The following KIFC1 variants were observed in gnomAD, a reference collection of about 807,000 sequenced individuals.
The protein encoded by KIFC1 is kinesin-like protein KIFC1.
In KIFC1, 37 loss-of-function variants were observed where a neutral mutation model predicts 66.6. That is an observed-to-expected ratio of 0.56 (90% CI 0.43 to 0.73). KIFC1 has a LOEUF of 0.73. Ranked by LOEUF, KIFC1 falls within the 30% of genes least tolerant of loss-of-function variation. The pLI is 0.00. For synonymous variants in KIFC1, 325 were observed against 343.5 expected (o/e 0.95, Z 0.60); for missense variants, 721 against 859.8 (o/e 0.84, Z 2.02).
chr6:33,398,037 C>G lies in KIFC1; in HGVS notation c.21C>G (p.Pro7=), dbSNP rs1358338474. MDPQRS[P]LLEVKGNIEL... ...GTCTCTTTTCCCAACAGAGGTCCCC[C>G]CTATTGGAAGTAAAGGGGAACATAG... The change falls in exon 2 of 11, where the codon CCC becomes CCG. Residue 7 remains proline (P), a synonymous_variant. Coordinates refer to ENST00000428849, the MANE Select transcript of KIFC1 (RefSeq NM_002263.4). The G allele has an allele frequency of 6.2e-7, 1 of 1,613,874 alleles. No individual in the cohort carries two copies. The highest frequency in any genetic ancestry group is 8.5e-7 in the Non-Finnish European group (1 of 1,180,022).
chr6:33,391,928 C>T lies in KIFC1; in HGVS notation c.-58C>T, dbSNP rs1774801775. On this transcript the variant is annotated 5_prime_UTR_variant, in exon 1 of 11. Coordinates refer to ENST00000428849, the MANE Select transcript of KIFC1 (RefSeq NM_002263.4). ...GCGAGAGAACGCGAGTCCCAGGATC[C>T]CCGGCACCCAGTTCTCTTCCACTGC... 3 of 1,610,050 alleles carry T rather than the reference C, an allele frequency of 1.9e-6. No individual in the cohort carries two copies. Among genetic ancestry groups the T allele is most frequent in the African/African-American group, 1.3e-5 (1 of 74,888 alleles).
chr6:33,406,553 G>T lies in KIFC1; in HGVS notation c.1828-39G>T. 6.2e-7 allele frequency: 1 copy of T among 1,613,554 alleles called. No homozygotes were observed. Among genetic ancestry groups the T allele is most frequent in the Non-Finnish European group, 8.5e-7 (1 of 1,179,584 alleles). On this transcript the variant is annotated intron_variant, in intron 8 of 10. Transcript: ENST00000428849. The surrounding 1 kb of genome is among the most constrained non-coding windows in gnomAD (Gnocchi z 4.5). ...GTTGGGGTTGGCTGTGCAGAACCCTGCCTATTCCTAAACATCTGTCCCCAC... is the reference window on the plus strand; with the variant it reads ...GTTGGGGTTGGCTGTGCAGAACCCTTCCTATTCCTAAACATCTGTCCCCAC...
chr6:33,396,801 C>G (rs1775066022), intron 1 of KIFC1, among the ~76,000 whole-genome samples: 1 of 151,616 alleles, frequency 6.6e-6, no homozygotes, highest in Non-Finnish European at 1.5e-5. Flanking sequence ...CCTGCCTCAG[C>G]CTCCCCAGGA....
At position 33,409,754 on chromosome 6, in the gene KIFC1, T is replaced by TGTGTGTGTGTGTCA. The variant is rs1374618874; in HGVS notation, c.*64_*65insGTGTGTGTGTGTCA. 1 of 1,341,686 alleles carries TGTGTGTGTGTGTCA rather than the reference T, an allele frequency of 7.5e-7. No homozygotes were observed. The allele number at this position is 1,341,686 out of a possible 1,614,324, so 83.1% of individuals were successfully genotyped here. On this transcript the variant is annotated 3_prime_UTR_variant, in exon 11 of 11. Transcript: ENST00000428849. The stretch of plus-strand genomic sequence containing the variant: ...GTGTGTGTGTGTGTGTGTGTGTGTG[T>TGTGTGTGTGTGTCA]CCCTATGTCTATGTATCGGGTGAGG...
chr6:33,406,583 A>G lies in KIFC1; in HGVS notation c.1828-9A>G. On this transcript the variant is annotated splice_polypyrimidine_tract_variant and intron_variant, in intron 8 of 10. Transcript: ENST00000428849. This position sits in a 1 kb window ranked among gnomAD's most constrained non-coding sequence, Gnocchi z 4.5. ...TTCCTAAACATCTGTCCCCACCTCAATCATCTAGGAGTCCCACGTGCCTTA... is the reference window on the plus strand; with the variant it reads ...TTCCTAAACATCTGTCCCCACCTCAGTCATCTAGGAGTCCCACGTGCCTTA... The G allele has an allele frequency of 1.2e-6, 2 of 1,613,984 alleles. No homozygotes were observed. The highest frequency in any genetic ancestry group is 1.1e-5 in the South Asian group (1 of 91,078).
In KIFC1 at chr6:33,400,975, A is replaced by G. The variant is rs1419687103; in HGVS notation, c.251-2339A>G. ...CTAACTTTTTGACTCTTGTAATAAC[A>G]ACTGAAAACACAAACATTGTATAGC... On this transcript the variant is annotated intron_variant, in intron 3 of 10. Transcript: ENST00000428849. The surrounding 1 kb of genome is among the most constrained non-coding windows in gnomAD (Gnocchi z 4.3). 6.6e-6 allele frequency among the ~76,000 whole-genome samples: 1 copy of G among 152,130 alleles called. No individual in the cohort carries two copies. The highest frequency in any genetic ancestry group is 1.5e-5 in the Non-Finnish European group (1 of 68,016).
rs1206118972 is a variant in KIFC1 at position 33,403,226 on chromosome 6, A to G, written c.251-88A>G. 7 of 1,211,186 alleles carry G rather than the reference A, an allele frequency of 5.8e-6. No homozygotes were observed. The highest frequency in any genetic ancestry group is 3.0e-5 in the African/African-American group (2 of 66,752). 75.0% of individuals were successfully genotyped at this position (1,211,186 alleles called of 1,614,324 possible). A position where few individuals can be genotyped will look rare whatever the true frequency, so the allele number is the denominator to read the frequency against. ...TTATCCTATTTCTAATTCTGAGAAA[A>G]GCACTTCTTCTGCCCCTGTCCTAGC... On this transcript the variant is annotated intron_variant, in intron 3 of 10. Transcript: ENST00000428849. The surrounding 1 kb of genome is among the most constrained non-coding windows in gnomAD (Gnocchi z 4.6).
At position 33,400,333 on chromosome 6, in the gene KIFC1, G is replaced by T; in HGVS notation, c.250+1946G>T. On this transcript the variant is annotated intron_variant, in intron 3 of 10. Transcript: ENST00000428849. The surrounding 1 kb of genome is among the most constrained non-coding windows in gnomAD (Gnocchi z 4.3). ...TTTGATGATCGGGGCAGAGGCAGAAGGCACCACCTCAATCTGGGCCTGTCT... is the reference window on the plus strand; with the variant it reads ...TTTGATGATCGGGGCAGAGGCAGAATGCACCACCTCAATCTGGGCCTGTCT... 1.3e-6 allele frequency: 2 copies of T among 1,586,556 alleles called. No individual in the cohort carries two copies. Among genetic ancestry groups the T allele is most frequent in the South Asian group, 2.2e-5 (2 of 90,736 alleles).
At chr6:33,395,595 A>G (rs1378267358) in intron 1 of KIFC1, among the ~76,000 whole-genome samples, 1 of 152,210 alleles carries the variant, frequency 6.6e-6, no homozygotes, top group Non-Finnish European at 1.5e-5. Flanking sequence ...TTCTAGCTTT[A>G]TATTAATAGA....
In KIFC1 at chr6:33,406,173, G is replaced by T; in HGVS notation, c.1537-23G>T. 1.3e-6 allele frequency: 2 copies of T among 1,570,472 alleles called. No homozygotes were observed. Among genetic ancestry groups the T allele is most frequent in the Admixed American group, 1.9e-5 (1 of 53,872 alleles). ...TGTACTGACTTCTGCCTGCCTTTTT[G>T]CCCCTTCTGCTCCCATCCCCAGGTG... On this transcript the variant is annotated intron_variant, in intron 7 of 10. Transcript: ENST00000428849. This position sits in a 1 kb window ranked among gnomAD's most constrained non-coding sequence, Gnocchi z 4.5.
Position 33,409,411 on chromosome 6 carries a change from T to A in KIFC1, c.1978-235T>A, listed in dbSNP as rs1775806426. 2.0e-5 allele frequency among the ~76,000 whole-genome samples: 3 copies of A among 152,162 alleles called. No individual in the cohort carries two copies. In the South Asian group the frequency reaches 6.2e-4, roughly 32 times the overall value. On this transcript the variant is annotated intron_variant, in intron 10 of 10. Coordinates refer to ENST00000428849, the MANE Select transcript of KIFC1 (RefSeq NM_002263.4). ...TTGCTGGAAATGAAAGCCTCCTTTCTCTGCTCCTGTATTTTCTTCTGGGGC... is the reference window on the plus strand; with the variant it reads ...TTGCTGGAAATGAAAGCCTCCTTTCACTGCTCCTGTATTTTCTTCTGGGGC...
At chr6:33,391,700 A>G (rs541830308), upstream of KIFC1, 2 of 589,278 alleles carry the variant, frequency 3.4e-6, no homozygotes, top group Non-Finnish European at 6.1e-6. Flanking sequence ...AGAAAAGACA[A>G]GGCGCCTGTC....
chr6:33,394,100 A>G (rs1296840636), intron 1 of KIFC1, among the ~76,000 whole-genome samples: 2 of 152,034 alleles, frequency 1.3e-5, no homozygotes, highest in African/African-American at 4.8e-5. Flanking sequence ...TCTAGTGGGT[A>G]GAGGGCAGGG....
chr6:33,395,948 C>T (rs926134260), intron 1 of KIFC1, among the ~76,000 whole-genome samples: 4 of 152,022 alleles, frequency 2.6e-5, no homozygotes, highest in Admixed American at 6.6e-5. Context: ...TAAGTATTGC[C>T]CCACTGATGA....
Position 33,399,959 on chromosome 6 carries a change from T to C in KIFC1, c.250+1572T>C, listed in dbSNP as rs531209903. The C allele has an allele frequency of 3.5e-5, 20 of 575,082 alleles. No individual in the cohort carries two copies. In the East Asian group the frequency reaches 5.1e-4, roughly 15 times the overall value. 35.6% of individuals were successfully genotyped at this position (575,082 alleles called of 1,614,324 possible). Reference sequence around the variant, plus strand: ...TACTTTATAAACTTAACATTTTTTTTCCCACTTGCCAAGGCTGATGTAACA... The same window carrying C: ...TACTTTATAAACTTAACATTTTTTTCCCCACTTGCCAAGGCTGATGTAACA... On this transcript the variant is annotated intron_variant, in intron 3 of 10. Coordinates refer to ENST00000428849, the MANE Select transcript of KIFC1 (RefSeq NM_002263.4).
chr6:33,399,942 A>C (rs1341957964), intron 3 of KIFC1: 1 of 571,170 alleles, frequency 1.8e-6, no homozygotes, highest in Non-Finnish European at 3.1e-6. Context: ...TTTACTTTAT[A>C]AACTTAACAT....
In KIFC1 at chr6:33,397,447, G is replaced by A. The variant is rs554132282; in HGVS notation, c.13-582G>A. 4.0e-5 allele frequency among the ~76,000 whole-genome samples: 6 copies of A among 151,832 alleles called. No homozygotes were observed. In the East Asian group the frequency reaches 1.2e-3, roughly 29 times the overall value. ...CGAGTAGCTGGGATTGCAGGCATGT[G>A]CCACCACACCCAGCTAATTTTTGTA... On this transcript the variant is annotated intron_variant, in intron 1 of 10. Transcript: ENST00000428849.
chr6:33,400,652 C>G lies in KIFC1; in HGVS notation c.250+2265C>G. On this transcript the variant is annotated intron_variant, in intron 3 of 10. Coordinates refer to ENST00000428849, the MANE Select transcript of KIFC1 (RefSeq NM_002263.4). This position sits in a 1 kb window ranked among gnomAD's most constrained non-coding sequence, Gnocchi z 4.3. ...CGAGCCGAAAGCCGAGAGCTTCTCT[C>G]TCTTTTTTTTTTGAGATGGAGTCTC... The G allele has an allele frequency of 1.5e-6, 1 of 662,832 alleles. No individual in the cohort carries two copies. The highest frequency in any genetic ancestry group is 2.6e-6 in the Non-Finnish European group (1 of 384,472). 41.1% of individuals were successfully genotyped at this position (662,832 alleles called of 1,614,324 possible). A position where few individuals can be genotyped will look rare whatever the true frequency, so the allele number is the denominator to read the frequency against.
chr6:33,409,615 A>ACTTTTAT (rs1258037897), intron 10 of KIFC1, 31 bp from the exon 11 acceptor site: 1 of 1,610,334 alleles, frequency 6.2e-7, no homozygotes, highest in South Asian at 1.1e-5. Flanking sequence ...TACGCTGCAA[A>ACTTTTAT]CTTTTATCCT....
Sources: gnomAD v4.1 joint callset for allele counts (sites outside exome capture counted in the v4.1 genomes callset) on GRCh38, gnomAD v4.1.1 for gene constraint, Gnocchi (gnomAD v3.1) non-coding constraint, MANE v1.5 for transcripts, NCBI Gene and HGNC (gene_info 2026-07-23, HGNC 2026-07-21) for gene names.